The following HAUS8 variants were observed in gnomAD, a reference collection of about 807,000 sequenced individuals.
The protein encoded by HAUS8 is HAUS augmin like complex subunit 8, also known as HAUS augmin-like complex subunit 8.
A neutral mutation model predicts 42.9 loss-of-function variants in HAUS8; 38 were observed. The ratio of observed to expected loss-of-function variants is 0.89; its 90% CI spans 0.68 to 1.16. The LOEUF (loss-of-function observed/expected upper bound fraction) is 1.16, where lower values mean the gene tolerates loss of function less well. Among genes scored for constraint, HAUS8 ranks in the 50% most tolerant of loss-of-function variants. The pLI is 0.00. For missense variants in HAUS8, 494 were observed against 511.6 expected (o/e 0.97, Z 0.33); for synonymous variants, 199 against 205.8 (o/e 0.97, Z 0.28).
intron 2 of HAUS8, among the ~76,000 whole-genome samples, chr19:17,072,403 C>T (rs780064034): frequency 4.8e-4 from 62 of 129,068 alleles, no homozygotes; most frequent in Non-Finnish European, 8.6e-4. Context: ...AGTACAGTGG[C>T]GCGATCTCGG....
intron 3 of HAUS8, among the ~76,000 whole-genome samples, chr19:17,064,298 T>C (rs188692461): frequency 9.8e-5 from 15 of 152,360 alleles, no homozygotes; most frequent in African/African-American, 3.6e-4. Context: ...GACTCGCTTT[T>C]ATTAAGAAGG....
intron 10 of HAUS8, among the ~76,000 whole-genome samples, chr19:17,050,892 C>T (rs930499860): frequency 1.2e-4 from 18 of 150,290 alleles, no homozygotes; most frequent in African/African-American, 3.7e-4. Flanking sequence ...AGTGAGACTC[C>T]GTCTCAAAAA....
In HAUS8 at chr19:17,059,577, C is replaced by T. The variant is rs1164737085; in HGVS notation, c.400G>A (p.Ala134Thr). ...SKKPESTSFSAPRKKSPDLSE... is the reference protein window; with the variant it reads ...SKKPESTSFSTPRKKSPDLSE... ...CTTACCGGGCTCTTTTTCCGAGGGGCAGAAAATGATGTTGACTCAGGTTTC... is the reference window on the plus strand; with the variant it reads ...CTTACCGGGCTCTTTTTCCGAGGGGTAGAAAATGATGTTGACTCAGGTTTC... Residue 134 changes from alanine to threonine, a missense_variant, in exon 6 of 11, where the codon GCC (alanine) becomes ACC (threonine). Ala to Thr is a moderately conservative substitution (Grantham distance 58). Coordinates refer to ENST00000253669, the MANE Select transcript of HAUS8 (RefSeq NM_033417.2). 2 of 1,613,552 alleles carry T rather than the reference C, an allele frequency of 1.2e-6. No individual in the cohort carries two copies. The highest frequency in any genetic ancestry group is 1.7e-6 in the Non-Finnish European group (2 of 1,179,648).
chr19:17,071,267 T>C (rs2057421716), intron 2 of HAUS8, among the ~76,000 whole-genome samples: 1 of 152,152 alleles, frequency 6.6e-6, no homozygotes, highest in Non-Finnish European at 1.5e-5. Flanking sequence ...GCTGCTACCC[T>C]GAGAGGAAAG....
Position 17,059,620 on chromosome 19 carries a change from T to A in HAUS8, c.357A>T (p.Leu119Phe). 1 of 1,613,958 alleles carries A rather than the reference T, an allele frequency of 6.2e-7. No homozygotes were observed. The highest frequency in any genetic ancestry group is 8.5e-7 in the Non-Finnish European group (1 of 1,179,890). Reference sequence around the variant, plus strand: ...CAGGTTTCTTTGATATTGTTTTTGCTAACTGTGGCGTCTTTTTGACGATGC... The same window carrying A: ...CAGGTTTCTTTGATATTGTTTTTGCAAACTGTGGCGTCTTTTTGACGATGC... Reference protein sequence around the residue: ...DKSIVKKTPQLAKTISKKPES... With the variant: ...DKSIVKKTPQFAKTISKKPES... Residue 119 changes from leucine (L) to phenylalanine (F), a missense_variant, in exon 6 of 11, where the codon TTA (leucine) becomes TTT (phenylalanine). Leu to Phe is a conservative substitution (Grantham distance 22, BLOSUM62 0). Coordinates refer to ENST00000253669, the MANE Select transcript of HAUS8 (RefSeq NM_033417.2).
intron 4 of HAUS8, among the ~76,000 whole-genome samples, chr19:17,061,451 TTTA>T (rs552334744): frequency 2.4e-4 from 36 of 152,310 alleles, no homozygotes; most frequent in Admixed American, 2.1e-3. Flanking sequence ...GTGGTAACTT[TTTA>T]TTGTTATTGC....
chr19:17,069,473 C>T (rs1196095739), intron 2 of HAUS8, among the ~76,000 whole-genome samples: 1 of 151,154 alleles, frequency 6.6e-6, no homozygotes, highest in East Asian at 1.9e-4. Context: ...CCCCTTCCCC[C>T]GCCTGTGTGT....
At chr19:17,058,739 T>G (rs780702517) in intron 7 of HAUS8, 32 bp from the exon 8 acceptor site, 6 of 1,605,162 alleles carry the variant, frequency 3.7e-6, no homozygotes, top group Non-Finnish European at 5.1e-6. Context: ...CTCAAGCAGG[T>G]GGGGACTCCC....
chr19:17,054,061 G>GGCCACCAGCA (rs1041971318), intron 9 of HAUS8, among the ~76,000 whole-genome samples: 1 of 152,080 alleles, frequency 6.6e-6, no homozygotes, highest in Admixed American at 6.5e-5. Flanking sequence ...GAACGCCAAG[G>GGCCACCAGCA]GCCACCAGCA....
In HAUS8 at chr19:17,052,811, A is replaced by G. The variant is rs2123358041; in HGVS notation, c.929+14T>C. ...CAGGGTGCCACCTCTTTCTTAAAGC[A>G]TTTTCCGAGGTACCTTCGGAGCTCA... On this transcript the variant is annotated intron_variant, in intron 10 of 10. Transcript: ENST00000253669. 1 of 1,613,968 alleles carries G rather than the reference A, an allele frequency of 6.2e-7. No individual in the cohort carries two copies. Among genetic ancestry groups the G allele is most frequent in the East Asian group, 2.2e-5 (1 of 44,852 alleles).
At chr19:17,070,756 G>A (rs923812714) in intron 2 of HAUS8, among the ~76,000 whole-genome samples, 4 of 152,214 alleles carry the variant, frequency 2.6e-5, no homozygotes, top group African/African-American at 9.7e-5. Flanking sequence ...TACGGGGTAG[G>A]CACTCGATAA....
Position 17,062,888 on chromosome 19 carries a change from G to A in HAUS8, c.148-109C>T. 12 of 803,012 alleles carry A rather than the reference G, an allele frequency of 1.5e-5. No individual in the cohort carries two copies. The South Asian group carries it at 1.8e-4, about 12-fold the overall frequency. 49.7% of individuals were successfully genotyped at this position (803,012 alleles called of 1,614,324 possible). A position where few individuals can be genotyped will look rare whatever the true frequency, so the allele number is the denominator to read the frequency against. ...CGTAACTGCTCTTACTTTGAGGCAG[G>A]GGAGACATTTAAAGAGGTTTGAAAT... On this transcript the variant is annotated intron_variant, in intron 3 of 10. Coordinates refer to ENST00000253669, the MANE Select transcript of HAUS8 (RefSeq NM_033417.2).
chr19:17,050,897 CAA>C (rs886547045), intron 10 of HAUS8, among the ~76,000 whole-genome samples: 1 of 139,674 alleles, frequency 7.2e-6, no homozygotes. Context: ...GACTCCGTCT[CAA>C]AAAAAAAAAA....
chr19:17,053,106 G>A, intron 9 of HAUS8, 140 bp from the exon 10 acceptor site: 2 of 899,254 alleles, frequency 2.2e-6, no homozygotes, highest in Non-Finnish European at 3.4e-6. Context: ...GGAAGAAGCA[G>A]AAGCCAAGGA....
chr19:17,070,081 ACT>A (rs1219863079), intron 2 of HAUS8, among the ~76,000 whole-genome samples: 1 of 150,350 alleles, frequency 6.7e-6, no homozygotes, highest in African/African-American at 2.5e-5. Context: ...TCCTACCTGC[ACT>A]CTCTGCCTCC....
At chr19:17,061,043 A>G (rs955880914) in intron 4 of HAUS8, among the ~76,000 whole-genome samples, 23 of 152,248 alleles carry the variant, frequency 1.5e-4, no homozygotes, top group African/African-American at 5.5e-4. Context: ...AAATTCTTAA[A>G]AAAAATCTGG....
In HAUS8 at chr19:17,064,754, C is replaced by T. The variant is rs544565347; in HGVS notation, c.148-1975G>A. 2.6e-5 allele frequency among the ~76,000 whole-genome samples: 4 copies of T among 152,300 alleles called. No homozygotes were observed. In the South Asian group the frequency reaches 8.3e-4, roughly 32 times the overall value. Reference sequence around the variant, plus strand: ...AAAGTAAAACCTAAACTACAAAACTCGTACAAGAAAACAGGAGAAAAATCT... The same window carrying T: ...AAAGTAAAACCTAAACTACAAAACTTGTACAAGAAAACAGGAGAAAAATCT... On this transcript the variant is annotated intron_variant, in intron 3 of 10. Transcript: ENST00000253669.
chr19:17,062,895 A>T, intron 3 of HAUS8, 116 bp from the exon 4 acceptor site: 1 of 756,766 alleles, frequency 1.3e-6, no homozygotes, highest in Non-Finnish European at 2.3e-6. Context: ...CAGGGGAGAC[A>T]TTTAAAGAGG....
intron 3 of HAUS8, among the ~76,000 whole-genome samples, chr19:17,066,701 A>G (rs1356123530): frequency 6.6e-6 from 1 of 152,142 alleles, no homozygotes; most frequent in African/African-American, 2.4e-5. Context: ...GTTGAGTGGG[A>G]GAATAGGAAA....
Sources: allele counts gnomAD v4.1 joint callset (sites outside exome capture counted in the v4.1 genomes callset), GRCh38; gene constraint gnomAD v4.1.1; transcripts MANE v1.5; gene names NCBI Gene and HGNC (gene_info 2026-07-23, HGNC 2026-07-21).